Variants in COL21A1 observed in about 807,000 individuals in gnomAD.
COL21A1 encodes the protein collagen alpha-1(XXI) chain.
COL21A1 carries 149 observed loss-of-function variants against 137.9 expected under a neutral mutation model. The ratio of observed to expected loss-of-function variants is 1.08; its 90% CI spans 0.95 to 1.24. The LOEUF is 1.24. COL21A1 is among the 50% of genes most tolerant of loss of function. The pLI is 0.00. For synonymous variants in COL21A1, 456 were observed against 391.5 expected (o/e 1.16, Z -1.95); for missense variants, 1,167 against 1,158.4 (o/e 1.01, Z -0.11).
At chr6:56,226,626 A>T (rs1030765039) in intron 1 of COL21A1, among the ~76,000 whole-genome samples, 1 of 151,992 alleles carries the variant, frequency 6.6e-6, no homozygotes, top group Non-Finnish European at 1.5e-5. Context: ...TTTGAGTCAC[A>T]CTGTGAAACC....
chr6:56,097,509 G>T (rs1322118920), intron 17 of COL21A1, among the ~76,000 whole-genome samples: 2 of 151,572 alleles, frequency 1.3e-5, no homozygotes, highest in Non-Finnish European at 2.9e-5. Context: ...TACAGGGGTG[G>T]AAGGAATATT....
intron 17 of COL21A1, among the ~76,000 whole-genome samples, chr6:56,085,152 A>T (rs993154611): frequency 6.6e-5 from 10 of 152,180 alleles, no homozygotes; most frequent in African/African-American, 2.2e-4. Context: ...AATATATTAG[A>T]TCTATAATTA....
intron 1 of COL21A1, among the ~76,000 whole-genome samples, chr6:56,271,923 C>G (rs1258301215): frequency 7.2e-6 from 1 of 138,640 alleles, no homozygotes; most frequent in Non-Finnish European, 1.5e-5. Flanking sequence ...TTGGGAGCCT[C>G]CACTTTGATA....
At position 56,060,165 on chromosome 6, in the gene COL21A1, G is replaced by A. The variant is rs1399596784; in HGVS notation, c.2461C>T (p.Leu821=). Residue 821 remains leucine, a synonymous_variant, in exon 28 of 30, where the codon CTG becomes TTG. Transcript: ENST00000244728. ...SGRIRNCDHC[L]SQHGSPGIPG... ...ATACCCGGGGAGCCATGTTGGGACA[G>A]GCAATGATCACAATTTCTAATTCTT... The A allele has an allele frequency of 6.2e-7, 1 of 1,609,874 alleles. No individual in the cohort carries two copies. Among genetic ancestry groups the A allele is most frequent in the Non-Finnish European group, 8.5e-7 (1 of 1,178,830 alleles).
At chr6:56,225,267 T>C (rs1198060696) in intron 1 of COL21A1, among the ~76,000 whole-genome samples, 1 of 152,074 alleles carries the variant, frequency 6.6e-6, no homozygotes, top group Non-Finnish European at 1.5e-5. Flanking sequence ...TTAAATCTTT[T>C]TGAAACCCCC....
intron 7 of COL21A1, among the ~76,000 whole-genome samples, chr6:56,165,864 G>A (rs542323365): frequency 1.0e-3 from 154 of 150,446 alleles, no homozygotes; most frequent in African/African-American, 3.6e-3. Context: ...ATTTCCACTA[G>A]CAGTAATACA....
At chr6:56,143,204 T>C (rs1346138674) in intron 10 of COL21A1, among the ~76,000 whole-genome samples, 1 of 147,314 alleles carries the variant, frequency 6.8e-6, no homozygotes, top group African/African-American at 2.5e-5. Flanking sequence ...TTTTTCTTTT[T>C]TTTTTTTTTT....
intron 9 of COL21A1, 33 bp downstream of exon 9, chr6:56,164,390 T>C (rs1460781710): frequency 2.8e-6 from 4 of 1,405,766 alleles, no homozygotes; most frequent in Non-Finnish European, 4.0e-6. Context: ...GTTTGTGTGT[T>C]TTAACAAAAA....
At chr6:56,269,278 C>T (rs1208774346) in intron 1 of COL21A1, among the ~76,000 whole-genome samples, 1 of 152,148 alleles carries the variant, frequency 6.6e-6, no homozygotes, top group South Asian at 2.1e-4. Flanking sequence ...AAATACTATA[C>T]AAGATAACTG....
At chr6:56,061,117 G>A (rs1263533586) in intron 25 of COL21A1, 80 bp from the exon 26 acceptor site, 7 of 1,198,380 alleles carry the variant, frequency 5.8e-6, no homozygotes, top group South Asian at 1.7e-5. Flanking sequence ...CGTTAAGGAT[G>A]TGAATATGCA....
At chr6:56,156,647 G>C in intron 10 of COL21A1, among the ~76,000 whole-genome samples, 1 of 68,116 alleles carries the variant, frequency 1.5e-5, no homozygotes, top group East Asian at 7.9e-4. Flanking sequence ...AACTCAATGT[G>C]CTTAAGCCTA....
At chr6:56,174,096 C>T (rs565251018) in intron 3 of COL21A1, among the ~76,000 whole-genome samples, 1 of 151,870 alleles carries the variant, frequency 6.6e-6, no homozygotes, top group Non-Finnish European at 1.5e-5. Context: ...GCCATCAGGT[C>T]AAAGAAGAAA....
intron 1 of COL21A1, among the ~76,000 whole-genome samples, chr6:56,287,322 T>C (rs1416699593): frequency 2.6e-5 from 4 of 152,216 alleles, no homozygotes; most frequent in African/African-American, 9.7e-5. Flanking sequence ...TGTGAATATG[T>C]TAGGTTACAC....
chr6:56,124,953 A>G (rs1028994203), intron 14 of COL21A1, among the ~76,000 whole-genome samples: 2 of 134,460 alleles, frequency 1.5e-5, no homozygotes, highest in African/African-American at 2.8e-5. Context: ...CCTTCAGTGG[A>G]CACGGTTTTT....
intron 1 of COL21A1, among the ~76,000 whole-genome samples, chr6:56,212,119 C>T (rs1186661906): frequency 6.6e-6 from 1 of 152,040 alleles, no homozygotes; most frequent in Admixed American, 6.6e-5. Flanking sequence ...ACTTCATTAA[C>T]ATTTCTTATA....
At chr6:56,367,595 C>T (rs941797970) in intron 1 of COL21A1, among the ~76,000 whole-genome samples, 4 of 152,208 alleles carry the variant, frequency 2.6e-5, no homozygotes, top group Non-Finnish European at 4.4e-5. Flanking sequence ...AAAGTAGGAA[C>T]CTAAATGACC....
intron 1 of COL21A1, among the ~76,000 whole-genome samples, chr6:56,205,190 C>T (rs1779681137): frequency 6.6e-6 from 1 of 152,064 alleles, no homozygotes; most frequent in Admixed American, 6.6e-5. Context: ...CTCCTTCAAG[C>T]TAAAGGAGCA....
At chr6:56,187,878 A>G (rs983580058) in intron 1 of COL21A1, among the ~76,000 whole-genome samples, 12 of 152,220 alleles carry the variant, frequency 7.9e-5, no homozygotes, top group Admixed American at 3.9e-4. Flanking sequence ...TTAAGAATGC[A>G]AGCCAATGTT....
At chr6:56,190,119 ACAAAAAACCCTT>A (rs1394113524) in intron 1 of COL21A1, among the ~76,000 whole-genome samples, 1 of 152,222 alleles carries the variant, frequency 6.6e-6, no homozygotes, top group Non-Finnish European at 1.5e-5. Context: ...AAATAGAGAC[ACAAAAAACCCTT>A]CAAAAAATCA....
Sources: gnomAD v4.1 joint callset for allele counts (sites outside exome capture counted in the v4.1 genomes callset) on GRCh38, gnomAD v4.1.1 for gene constraint, MANE v1.5 for transcripts, NCBI Gene and HGNC (gene_info 2026-07-23, HGNC 2026-07-21) for gene names.